GNG7: variants seen among roughly 807,000 people sequenced by gnomAD.
GNG7 encodes the protein guanine nucleotide-binding protein G(I)/G(S)/G(O) subunit gamma-7.
A neutral mutation model predicts 4.0 loss-of-function variants in GNG7; 1 was observed. That is an observed-to-expected ratio of 0.25 (90% confidence interval 0.09 to 1.18). The LOEUF (loss-of-function observed/expected upper bound fraction) is 1.18, where lower values mean the gene tolerates loss of function less well. Ranked by LOEUF, GNG7 falls within the 50% of genes most tolerant of loss-of-function variation. The pLI, the probability that GNG7 is intolerant of heterozygous loss-of-function variation, is 0.50. For synonymous variants in GNG7, 34 were observed against 36.9 expected, an observed-to-expected ratio of 0.92 and a Z score of 0.29; for missense variants, 86 against 91.9, an observed-to-expected ratio of 0.94 and a Z score of 0.26.
At chr19:2,698,159 C>T (rs1030286344) in intron 1 of GNG7, among the ~76,000 whole-genome samples, 2 of 151,018 alleles carry the variant, frequency 1.3e-5, no homozygotes, top group Non-Finnish European at 1.5e-5. Flanking sequence ...CCCAGCTACT[C>T]GGGAGGCTGA....
At position 2,692,291 on chromosome 19, in the gene GNG7, T is replaced by A. The variant is rs114632871; in HGVS notation, c.-135+10355A>T. On this transcript the variant is annotated intron_variant, in intron 1 of 4. Coordinates refer to ENST00000382159, the MANE Select transcript of GNG7 (RefSeq NM_052847.3). The stretch of plus-strand genomic sequence containing the variant: ...TGAACTTGGCTGGATTCACCTCTTT[T>A]CTTTGATTCCTCCTGGCTTTGTTGT... 8.0e-3 allele frequency among the ~76,000 whole-genome samples: 1,219 copies of A among 151,992 alleles called. 28 individuals are homozygous for A. The highest frequency in any genetic ancestry group is 0.028 in the African/African-American group (1,145 of 41,260).
At chr19:2,621,411 A>C (rs557349895) in intron 2 of GNG7, among the ~76,000 whole-genome samples, 1 of 152,048 alleles carries the variant, frequency 6.6e-6, no homozygotes, top group South Asian at 2.1e-4. Context: ...TAATTAAAGA[A>C]AAATGGCTGG....
At chr19:2,673,275 AAAC>A (rs1410292018) in intron 1 of GNG7, among the ~76,000 whole-genome samples, 31 of 149,714 alleles carry the variant, frequency 2.1e-4, no homozygotes, top group South Asian at 8.5e-4. Flanking sequence ...AAACAAAACA[AAAC>A]AAAACAAAAC....
At chr19:2,622,539 G>C (rs530293885) in intron 2 of GNG7, among the ~76,000 whole-genome samples, 123 of 152,290 alleles carry the variant, frequency 8.1e-4, no homozygotes, top group African/African-American at 2.8e-3. Flanking sequence ...CAACGCGGCA[G>C]AGAGGGGGCT....
intron 2 of GNG7, among the ~76,000 whole-genome samples, chr19:2,592,989 A>C (rs1328165509): frequency 2.3e-5 from 3 of 133,146 alleles, no homozygotes; most frequent in African/African-American, 8.4e-5. Flanking sequence ...AGAGGGACGG[A>C]GGGAGGGGAA....
chr19:2,671,642 T>C (rs1983455666), intron 1 of GNG7, among the ~76,000 whole-genome samples: 1 of 152,012 alleles, frequency 6.6e-6, no homozygotes. Flanking sequence ...AGACAACACC[T>C]GGCCCATTCA....
intron 2 of GNG7, among the ~76,000 whole-genome samples, chr19:2,607,621 A>G (rs8113417): frequency 0.043 from 6,539 of 150,890 alleles, 506 homozygotes; most frequent in African/African-American, 0.15. Flanking sequence ...ACATATTAGG[A>G]TGGGGCAAGC....
chr19:2,550,513 C>A (rs1979283648), intron 3 of GNG7, among the ~76,000 whole-genome samples: 1 of 152,170 alleles, frequency 6.6e-6, no homozygotes, highest in South Asian at 2.1e-4. Flanking sequence ...CAGGCAGGAG[C>A]CACCGCTCCC....
chr19:2,665,566 G>A (rs1983289738), intron 1 of GNG7, among the ~76,000 whole-genome samples: 1 of 152,202 alleles, frequency 6.6e-6, no homozygotes, highest in South Asian at 2.1e-4. Context: ...AGGAAGGATT[G>A]GGTGGGGACG....
At chr19:2,645,837 C>G (rs752564546) in intron 2 of GNG7, among the ~76,000 whole-genome samples, 6 of 152,168 alleles carry the variant, frequency 3.9e-5, no homozygotes, top group Admixed American at 1.3e-4. Context: ...CAGAGGAGAG[C>G]TAAAGGGCCA....
At chr19:2,637,832 AC>A in intron 2 of GNG7, among the ~76,000 whole-genome samples, 1 of 149,950 alleles carries the variant, frequency 6.7e-6, no homozygotes, top group East Asian at 2.0e-4. Flanking sequence ...AGGCAGAATC[AC>A]CCCTGGTTGA....
In GNG7 at chr19:2,537,597, T is replaced by A. The variant is rs576869750; in HGVS notation, c.-37-16872A>T. ...TCATAATATATAAATGTAATCAACATATAATACACTGAGCATGCTCAAAGT... is the reference window on the plus strand; with the variant it reads ...TCATAATATATAAATGTAATCAACAAATAATACACTGAGCATGCTCAAAGT... On this transcript the variant is annotated intron_variant, in intron 3 of 4. Transcript: ENST00000382159. 2.0e-5 allele frequency among the ~76,000 whole-genome samples: 3 copies of A among 152,010 alleles called. No individual in the cohort carries two copies. In the South Asian group the frequency reaches 6.2e-4, roughly 32 times the overall value.
chr19:2,655,533 T>C (rs374191254), intron 1 of GNG7, among the ~76,000 whole-genome samples: 2 of 150,612 alleles, frequency 1.3e-5, no homozygotes, highest in Admixed American at 1.3e-4. Flanking sequence ...TGAAACTCTG[T>C]CTCTACTAAA....
At chr19:2,655,013 C>T (rs768284003) in intron 1 of GNG7, among the ~76,000 whole-genome samples, 1 of 151,806 alleles carries the variant, frequency 6.6e-6, no homozygotes, top group Non-Finnish European at 1.5e-5. Flanking sequence ...ATAGCAAGAC[C>T]CCATCTCTAC....
intron 1 of GNG7, among the ~76,000 whole-genome samples, chr19:2,684,717 A>T (rs1200363921): frequency 1.3e-5 from 2 of 151,910 alleles, no homozygotes; most frequent in Admixed American, 1.3e-4. Context: ...GGCCGGGCAC[A>T]GTGGCTCATG....
chr19:2,664,166 C>G (rs1983246157), intron 1 of GNG7, among the ~76,000 whole-genome samples: 1 of 152,174 alleles, frequency 6.6e-6, no homozygotes, highest in African/African-American at 2.4e-5. Flanking sequence ...GTCAGAGCCC[C>G]CTTCCCTTCC....
At chr19:2,656,378 C>T (rs565107577) in intron 1 of GNG7, among the ~76,000 whole-genome samples, 2 of 152,248 alleles carry the variant, frequency 1.3e-5, no homozygotes, top group African/African-American at 4.8e-5. Flanking sequence ...CCAAGGCAGG[C>T]GGATCACAAG....
intron 1 of GNG7, among the ~76,000 whole-genome samples, chr19:2,698,056 C>T (rs894244648): frequency 6.6e-6 from 1 of 151,584 alleles, no homozygotes. Flanking sequence ...CACCAGAGGT[C>T]AGGAGTTCCA....
At chr19:2,520,371 G>A (rs1978301515) in intron 4 of GNG7, among the ~76,000 whole-genome samples, 2 of 152,208 alleles carry the variant, frequency 1.3e-5, no homozygotes, top group Non-Finnish European at 1.5e-5. Flanking sequence ...CGGGGCCCCA[G>A]TGTGTTTACA....
Sources: gnomAD v4.1 joint callset for allele counts (sites outside exome capture counted in the v4.1 genomes callset) on GRCh38, gnomAD v4.1.1 for gene constraint, MANE v1.5 for transcripts, NCBI Gene and HGNC (gene_info 2026-07-23, HGNC 2026-07-21) for gene names.